Variants in CDK14 observed in about 807,000 individuals in gnomAD.
CDK14 encodes the protein cyclin dependent kinase 14.
In CDK14, 34 loss-of-function variants were observed where a neutral mutation model predicts 60.7. That is an observed-to-expected ratio of 0.56 (90% CI 0.43 to 0.75). The LOEUF is 0.75. CDK14 is among the 30% of genes least tolerant of loss of function. The pLI is 0.00. For synonymous variants in CDK14, 197 were observed against 203.7 expected (o/e 0.97, Z 0.28); for missense variants, 482 against 564.1 (o/e 0.85, Z 1.47).
intron 5 of CDK14, among the ~76,000 whole-genome samples, chr7:90,791,062 G>A (rs1805809756): frequency 6.6e-6 from 1 of 151,950 alleles, no homozygotes; most frequent in Admixed American, 6.6e-5. Context: ...TTCTTCCTTT[G>A]TTTCTATCCT....
chr7:91,179,404 AGAT>A (rs1801914807), intron 14 of CDK14, among the ~76,000 whole-genome samples: 1 of 150,990 alleles, frequency 6.6e-6, no homozygotes, highest in Non-Finnish European at 1.5e-5. Flanking sequence ...ACCTAATGCT[AGAT>A]GACGAGTTAG....
intron 10 of CDK14, among the ~76,000 whole-genome samples, chr7:90,998,683 TC>T (rs1383131960): frequency 2.0e-5 from 3 of 152,116 alleles, no homozygotes; most frequent in Non-Finnish European, 4.4e-5. Context: ...AGTCAGGAGA[TC>T]AAGATCGTCC....
intron 11 of CDK14, among the ~76,000 whole-genome samples, chr7:91,062,539 C>G (rs1047227882): frequency 3.3e-5 from 5 of 152,062 alleles, no homozygotes; most frequent in African/African-American, 1.2e-4. Flanking sequence ...GCCATCTTGG[C>G]TCCACTCCCC....
chr7:90,743,597 G>T (rs536794722), intron 3 of CDK14, among the ~76,000 whole-genome samples: 1 of 152,126 alleles, frequency 6.6e-6, no homozygotes, highest in Admixed American at 6.5e-5. Context: ...GTGTATGCTT[G>T]TCTTTCATTA....
chr7:91,175,748 A>G (rs1275161132), intron 14 of CDK14, among the ~76,000 whole-genome samples: 6 of 149,000 alleles, frequency 4.0e-5, no homozygotes, highest in Non-Finnish European at 7.5e-5. Flanking sequence ...CAATTCAACA[A>G]GAAGAGCTAA....
chr7:90,909,289 TC>T (rs746223071), intron 7 of CDK14, among the ~76,000 whole-genome samples: 10 of 152,176 alleles, frequency 6.6e-5, no homozygotes, highest in Non-Finnish European at 1.3e-4. Context: ...TTAGAACAGT[TC>T]TTTCAGTTTT....
intron 2 of CDK14, among the ~76,000 whole-genome samples, chr7:90,621,695 T>G (rs369031020): frequency 4.4e-4 from 46 of 105,362 alleles, no homozygotes; most frequent in Middle Eastern, 5.1e-3. Flanking sequence ...CTGCCTTCCT[T>G]CCTTCCTTCC....
intron 2 of CDK14, among the ~76,000 whole-genome samples, chr7:90,673,719 T>C (rs1389962767): frequency 6.6e-6 from 1 of 152,210 alleles, no homozygotes; most frequent in Non-Finnish European, 1.5e-5. Flanking sequence ...ATCACAAACC[T>C]ATGGTTTTGT....
At chr7:90,768,493 T>A (rs1206420098) in intron 4 of CDK14, among the ~76,000 whole-genome samples, 3 of 152,214 alleles carry the variant, frequency 2.0e-5, no homozygotes, top group Non-Finnish European at 2.9e-5. Context: ...TTTACGTATG[T>A]CATTGGTAAC....
chr7:90,690,172 T>A (rs960267619), intron 2 of CDK14, among the ~76,000 whole-genome samples: 6 of 152,192 alleles, frequency 3.9e-5, no homozygotes, highest in African/African-American at 1.4e-4. Flanking sequence ...TTCACTTCTT[T>A]AGACTGTAAA....
intron 10 of CDK14, among the ~76,000 whole-genome samples, chr7:91,035,046 A>G (rs1796881674): frequency 6.6e-6 from 1 of 152,116 alleles, no homozygotes; most frequent in African/African-American, 2.4e-5. Context: ...TCCCTGCAAA[A>G]TAATTAGCAT....
intron 10 of CDK14, among the ~76,000 whole-genome samples, chr7:91,012,351 A>C (rs1796185867): frequency 6.6e-6 from 1 of 152,148 alleles, no homozygotes; most frequent in African/African-American, 2.4e-5. Context: ...AGTTTCCTCA[A>C]CTTTATGCAC....
chr7:91,118,019 A>T, intron 13 of CDK14, 46 bp from the exon 14 acceptor site: 1 of 1,085,498 alleles, frequency 9.2e-7, no homozygotes, highest in Non-Finnish European at 1.3e-6. Context: ...ACATGATTAT[A>T]AATATCTATA....
intron 2 of CDK14, among the ~76,000 whole-genome samples, chr7:90,682,123 T>C (rs1349639707): frequency 2.0e-5 from 3 of 152,116 alleles, no homozygotes; most frequent in Non-Finnish European, 4.4e-5. Flanking sequence ...TATTTGAGCC[T>C]CATTACTTTG....
intron 2 of CDK14, among the ~76,000 whole-genome samples, chr7:90,703,487 A>T (rs2116622244): frequency 6.6e-6 from 1 of 152,312 alleles, no homozygotes; most frequent in South Asian, 2.1e-4. Context: ...ATAAATAAGT[A>T]ATAAATACAT....
chr7:91,100,460 A>G (rs1799119094), intron 12 of CDK14, among the ~76,000 whole-genome samples: 1 of 152,210 alleles, frequency 6.6e-6, no homozygotes, highest in Non-Finnish European at 1.5e-5. Context: ...GTTAAATGAA[A>G]ATAAGTTTAA....
intron 3 of CDK14, among the ~76,000 whole-genome samples, chr7:90,744,015 T>A (rs1023101166): frequency 7.9e-5 from 12 of 151,336 alleles, no homozygotes; most frequent in African/African-American, 9.7e-5. Flanking sequence ...TCTTTTTTTT[T>A]AAATTATTTA....
At chr7:91,018,534 A>G (rs919611241) in intron 10 of CDK14, among the ~76,000 whole-genome samples, 10 of 152,164 alleles carry the variant, frequency 6.6e-5, no homozygotes, top group African/African-American at 2.4e-4. Context: ...ACTCCTTACA[A>G]GGGCATTGAT....
intron 6 of CDK14, among the ~76,000 whole-genome samples, chr7:90,876,829 T>A (rs1269896848): frequency 6.6e-6 from 1 of 152,238 alleles, no homozygotes; most frequent in African/African-American, 2.4e-5. Flanking sequence ...CTTTTTGACG[T>A]CAATTGTTGT....
Sources: allele counts gnomAD v4.1 joint callset (sites outside exome capture counted in the v4.1 genomes callset), GRCh38; gene constraint gnomAD v4.1.1; transcripts MANE v1.5; gene names NCBI Gene and HGNC (gene_info 2026-07-23, HGNC 2026-07-21).